Variants in MGRN1 observed in about 807,000 individuals in gnomAD.
MGRN1 encodes the protein E3 ubiquitin-protein ligase MGRN1.
A neutral mutation model predicts 69.2 loss-of-function variants in MGRN1; 29 were observed. The ratio of observed to expected loss-of-function variants is 0.42; its 90% CI spans 0.31 to 0.57. The LOEUF (loss-of-function observed/expected upper bound fraction) is 0.57, where lower values mean the gene tolerates loss of function less well. Ranked by LOEUF, MGRN1 falls within the 20% of genes least tolerant of loss-of-function variation. The pLI is 0.15. For synonymous variants in MGRN1, 470 were observed against 344.2 expected (o/e 1.37, Z -4.04); for missense variants, 998 against 796.2 (o/e 1.25, Z -3.05).
chr16:4,629,914 C>T (rs1027269353), intron 1 of MGRN1, among the ~76,000 whole-genome samples: 5 of 151,380 alleles, frequency 3.3e-5, no homozygotes, highest in Non-Finnish European at 7.4e-5. Context: ...GACGCAATGG[C>T]GCACGCCCGT....
chr16:4,656,903 AAATAAAT>A (rs2078555585), intron 4 of MGRN1, among the ~76,000 whole-genome samples: 5 of 149,208 alleles, frequency 3.4e-5, no homozygotes, highest in Non-Finnish European at 7.5e-5. Flanking sequence ...ATAAATAAAT[AAATAAAT>A]AAATAAATAA....
Position 4,677,952 on chromosome 16 carries a change from A to G in MGRN1, c.1065+380A>G, listed in dbSNP as rs566163275. On this transcript the variant is annotated intron_variant, in intron 11 of 16. Transcript: ENST00000262370. ...CAGCCTCGACCTCCCGCCTCAAGCA[A>G]TTCCCCCATTTCAGCCTCCCAAGAC... Among the ~76,000 whole-genome samples, 254 of 151,202 alleles carry G rather than the reference A, an allele frequency of 1.7e-3. 2 individuals are homozygous for G. The highest frequency in any genetic ancestry group is 5.9e-3 in the African/African-American group (244 of 41,140).
chr16:4,676,155 G>A (rs2141960218), intron 10 of MGRN1, among the ~76,000 whole-genome samples: 1 of 152,388 alleles, frequency 6.6e-6, no homozygotes, highest in East Asian at 1.9e-4. Context: ...AGGAGTAAGT[G>A]AAGAGGCTGC....
chr16:4,650,128 C>T (rs574426257), intron 1 of MGRN1: 23 of 386,596 alleles, frequency 5.9e-5, no homozygotes, highest in East Asian at 3.6e-4. Context: ...TATGGTGAAA[C>T]CCCGTCTCCA....
At chr16:4,676,423 C>T (rs1031256080) in intron 10 of MGRN1, among the ~76,000 whole-genome samples, 18 of 152,188 alleles carry the variant, frequency 1.2e-4, no homozygotes, top group African/African-American at 3.9e-4. Flanking sequence ...GGAGGGTGCC[C>T]TGAACCGAGT....
At chr16:4,636,813 C>G (rs1369522673) in intron 1 of MGRN1, among the ~76,000 whole-genome samples, 9 of 152,040 alleles carry the variant, frequency 5.9e-5, no homozygotes, top group Admixed American at 5.2e-4. Context: ...CTTGTGAAGT[C>G]TTTTACACAT....
Position 4,682,815 on chromosome 16 carries a change from G to T in MGRN1, c.1359-8G>T. ...CTCACCCCTGCCCACCCTCTCCTCT[G>T]TCCCCAGCACCCTACGGTCCCCGTC... On this transcript the variant is annotated splice_polypyrimidine_tract_variant and splice_region_variant and intron_variant, in intron 13 of 16. Coordinates refer to ENST00000262370, the MANE Select transcript of MGRN1 (RefSeq NM_015246.4). 1.3e-6 allele frequency: 2 copies of T among 1,555,386 alleles called. No individual in the cohort carries two copies. The highest frequency in any genetic ancestry group is 1.2e-5 in the South Asian group (1 of 85,016).
chr16:4,673,181 C>A (rs2078979389), intron 9 of MGRN1, among the ~76,000 whole-genome samples: 1 of 152,118 alleles, frequency 6.6e-6, no homozygotes, highest in Admixed American at 6.5e-5. Flanking sequence ...GGTACCCTGA[C>A]CCTCAGGAAG....
rs1234543751 is a variant in MGRN1 at position 4,630,789 on chromosome 16, G to C, written c.88+5741G>C. ...TTTTAGCTCTTACATTTAGGTCTTTGATCCATTTAGAGTTAATTCTTTTTT... is the reference window on the plus strand; with the variant it reads ...TTTTAGCTCTTACATTTAGGTCTTTCATCCATTTAGAGTTAATTCTTTTTT... On this transcript the variant is annotated intron_variant, in intron 1 of 16. Coordinates refer to ENST00000262370, the MANE Select transcript of MGRN1 (RefSeq NM_015246.4). 5.5e-5 allele frequency among the ~76,000 whole-genome samples: 8 copies of C among 145,100 alleles called. No homozygotes were observed. The East Asian group carries it at 1.6e-3, about 30-fold the overall frequency.
At chr16:4,687,992 C>T (rs964452029) in intron 16 of MGRN1, 41 of 985,444 alleles carry the variant, frequency 4.2e-5, no homozygotes, top group Middle Eastern at 5.2e-4. Flanking sequence ...GCGAATGTCA[C>T]GATTCAGGTC....
At chr16:4,646,302 C>T (rs543622160) in intron 1 of MGRN1, among the ~76,000 whole-genome samples, 1 of 152,106 alleles carries the variant, frequency 6.6e-6, no homozygotes, top group Non-Finnish European at 1.5e-5. Context: ...ACATTGTGCA[C>T]ACTGTGATCC....
rs2078573593 is a variant in MGRN1, at chr16:4,657,484, A to ACGGC, written c.561+124_561+127dup. 8.4e-6 allele frequency: 8 copies of ACGGC among 947,136 alleles called. 1 individual carries two copies. In the Admixed American group the frequency reaches 1.1e-4, roughly 13 times the overall value. The allele number at this position is 947,136 out of a possible 1,614,324, so 58.7% of individuals were successfully genotyped here. ...CCTCCAGGGTTCATAAGACCTGGGA[A>ACGGC]CGGCCGCCCCAGTCTGTGCTCAGGT... On this transcript the variant is annotated intron_variant, in intron 5 of 16. Coordinates refer to ENST00000262370, the MANE Select transcript of MGRN1 (RefSeq NM_015246.4).
Position 4,673,608 on chromosome 16 carries a change from C to T in MGRN1, c.906C>T (p.Cys302=), listed in dbSNP as rs755264063. The change falls in exon 10 of 17, where the codon TGC becomes TGT. Residue 302 remains cysteine (C), a synonymous_variant. Transcript: ENST00000262370. The part of the protein sequence containing the change: ...PCRHLCLCTS[C]ADTLRYQANN... ...GCCACCTGTGCCTCTGTACCTCCTG[C>T]GCCGACACGCTGCGCTACCAGGCCA... 1.1e-5 allele frequency: 17 copies of T among 1,613,560 alleles called. No homozygotes were observed. The highest frequency in any genetic ancestry group is 2.2e-5 in the South Asian group (2 of 91,082).
chr16:4,681,444 G>C (rs1457700609), intron 12 of MGRN1, 106 bp from the exon 13 acceptor site: 2 of 1,086,922 alleles, frequency 1.8e-6, no homozygotes, highest in African/African-American at 3.2e-5. Flanking sequence ...GGGTGGGGGA[G>C]TCTCAATCCC....
intron 16 of MGRN1, chr16:4,688,102 C>T: frequency 1.0e-6 from 1 of 985,610 alleles, no homozygotes; most frequent in South Asian, 4.7e-5. Flanking sequence ...AGACGCCCTT[C>T]ACCGGAGAGT....
chr16:4,669,847 TGTTATTCCTG>T (rs2078899516), intron 8 of MGRN1, among the ~76,000 whole-genome samples: 1 of 152,036 alleles, frequency 6.6e-6, no homozygotes, highest in Non-Finnish European at 1.5e-5. Context: ...CATTGGGAAG[TGTTATTCCTG>T]GTGGCCTCAC....
At chr16:4,647,223 C>T (rs2038961529) in intron 1 of MGRN1, among the ~76,000 whole-genome samples, 1 of 152,242 alleles carries the variant, frequency 6.6e-6, no homozygotes, top group African/African-American at 2.4e-5. Context: ...AGGCAGGTGG[C>T]TCTGGGCCGG....
chr16:4,626,878 T>C (rs574421573), intron 1 of MGRN1, among the ~76,000 whole-genome samples: 1 of 152,350 alleles, frequency 6.6e-6, no homozygotes, highest in African/African-American at 2.4e-5. Flanking sequence ...GCCTGGGTCA[T>C]GTTGCCAGTG....
In MGRN1 at chr16:4,628,488, C is replaced by T. The variant is rs1173185912; in HGVS notation, c.88+3440C>T. Among the ~76,000 whole-genome samples the T allele has an allele frequency of 2.6e-5, 4 of 152,198 alleles. No homozygotes were observed. The East Asian group carries it at 5.8e-4, about 22-fold the overall frequency. On this transcript the variant is annotated intron_variant, in intron 1 of 16. Coordinates refer to ENST00000262370, the MANE Select transcript of MGRN1 (RefSeq NM_015246.4). ...GCAGACATTTCCCTTGTAAAAGTTT[C>T]CTTCCATCTGTTTGCAGAGTCCCTA...
Sources: allele counts gnomAD v4.1 joint callset (sites outside exome capture counted in the v4.1 genomes callset), GRCh38; gene constraint gnomAD v4.1.1; transcripts MANE v1.5; gene names NCBI Gene and HGNC (gene_info 2026-07-23, HGNC 2026-07-21).